Variants in PHLDB2 observed in about 807,000 individuals in gnomAD.
PHLDB2 encodes pleckstrin homology like domain family B member 2.
In PHLDB2, 71 loss-of-function variants were observed where a neutral mutation model predicts 123.6. The observed-to-expected ratio is 0.57, with a 90% CI of 0.47 to 0.70. The LOEUF (loss-of-function observed/expected upper bound fraction) is 0.70. PHLDB2 is among the 30% of genes least tolerant of loss of function. PHLDB2 has a pLI of 0.00. For synonymous variants in PHLDB2, 547 were observed against 541.6 expected (o/e 1.01, Z -0.14); for missense variants, 1,446 against 1,519.5 (o/e 0.95, Z 0.80).
chr3:111,774,834 T>G (rs574817929), intron 1 of PHLDB2, among the ~76,000 whole-genome samples: 1 of 152,262 alleles, frequency 6.6e-6, no homozygotes, highest in East Asian at 1.9e-4. Flanking sequence ...AGCTCGGGTG[T>G]GGTTTCATTC....
Position 111,780,405 on chromosome 3 carries a change from A to G in PHLDB2, c.-49+47702A>G, listed in dbSNP as rs931936626. ...AAGAAGAAGAAGAAGAAGAAGAAGA[A>G]GAAGAAAAAGATTAGTTCGGCCCAA... On this transcript the variant is annotated intron_variant, in intron 1 of 17. Transcript: ENST00000393923. 4.8e-5 allele frequency among the ~76,000 whole-genome samples: 7 copies of G among 146,348 alleles called. No individual in the cohort carries two copies. The South Asian group carries it at 6.5e-4, about 14-fold the overall frequency.
chr3:111,897,996 T>C (rs1368147483), intron 2 of PHLDB2, among the ~76,000 whole-genome samples: 1 of 152,244 alleles, frequency 6.6e-6, no homozygotes, highest in Admixed American at 6.5e-5. Flanking sequence ...AAAATGTACA[T>C]ACCTTAATTT....
chr3:111,868,651 A>C (rs1312229934), intron 1 of PHLDB2, among the ~76,000 whole-genome samples: 1 of 152,090 alleles, frequency 6.6e-6, no homozygotes, highest in Non-Finnish European at 1.5e-5. Flanking sequence ...GTGTATATAT[A>C]TTTCAATACT....
At chr3:111,849,855 T>C (rs1002779526) in intron 2 of PHLDB2, among the ~76,000 whole-genome samples, 1 of 152,028 alleles carries the variant, frequency 6.6e-6, no homozygotes, top group African/African-American at 2.4e-5. Flanking sequence ...TATATGGAGC[T>C]GGAGGCCATT....
chr3:111,871,760 G>A (rs920404045), intron 1 of PHLDB2, among the ~76,000 whole-genome samples: 6 of 152,162 alleles, frequency 3.9e-5, no homozygotes, highest in African/African-American at 1.4e-4. Context: ...CACTGTTGTC[G>A]ATTTATAGTT....
At chr3:111,828,598 C>T (rs78796955) in intron 1 of PHLDB2, among the ~76,000 whole-genome samples, 68 of 152,190 alleles carry the variant, frequency 4.5e-4, no homozygotes, top group African/African-American at 1.6e-3. Flanking sequence ...CGAGACCAGA[C>T]TGACAACACA....
intron 1 of PHLDB2, among the ~76,000 whole-genome samples, chr3:111,788,646 CT>C (rs1318360185): frequency 6.6e-6 from 1 of 152,208 alleles, no homozygotes; most frequent in African/African-American, 2.4e-5. Context: ...TTAAAGCAAG[CT>C]TGTCCAACCT....
chr3:111,923,953 C>T (rs1301930722), intron 5 of PHLDB2, among the ~76,000 whole-genome samples: 1 of 152,214 alleles, frequency 6.6e-6, no homozygotes, highest in Non-Finnish European at 1.5e-5. Flanking sequence ...TCACACTGTA[C>T]TTGACTATGC....
chr3:111,841,518 G>T (rs2108553586), intron 1 of PHLDB2, among the ~76,000 whole-genome samples: 1 of 152,296 alleles, frequency 6.6e-6, no homozygotes, highest in East Asian at 1.9e-4. Context: ...TATGGGCATT[G>T]TCTCTCTATC....
At chr3:111,949,167 G>T (rs2070529618) in intron 10 of PHLDB2, 92 bp downstream of exon 10, 4 of 1,433,762 alleles carry the variant, frequency 2.8e-6, no homozygotes, top group Non-Finnish European at 3.8e-6. Flanking sequence ...ACGAGAACGT[G>T]CATGACAAAT....
intron 2 of PHLDB2, among the ~76,000 whole-genome samples, chr3:111,900,022 A>T (rs1460786682): frequency 1.3e-5 from 2 of 152,186 alleles, no homozygotes; most frequent in African/African-American, 4.8e-5. Context: ...TGTTATGGAG[A>T]CAATGTCTTT....
rs1553747095 is a variant in PHLDB2, at chr3:111,898,182, T to TGTGTGTGTG, written c.1335+12770_1335+12771insGTGTGTGTG. 1.9e-3 allele frequency among the ~76,000 whole-genome samples: 265 copies of TGTGTGTGTG among 142,646 alleles called. 3 individuals are homozygous for TGTGTGTGTG. Among genetic ancestry groups the TGTGTGTGTG allele is most frequent in the East Asian group, 4.7e-3 (23 of 4,868 alleles). The allele number at this position is 142,646 out of a possible 152,430, so 93.6% of individuals were successfully genotyped here. A position where few individuals can be genotyped will look rare whatever the true frequency, so the allele number is the denominator to read the frequency against. On this transcript the variant is annotated intron_variant, in intron 2 of 17. Coordinates refer to ENST00000431670, the MANE Select transcript of PHLDB2 (RefSeq NM_001134438.2). Reference sequence around the variant, plus strand: ...TTTCTTTGTGTGTGTGTGTGTGTGTTTGTGTGTGTGTGTGTGTGTGTGTGT... The same window carrying TGTGTGTGTG: ...TTTCTTTGTGTGTGTGTGTGTGTGTTGTGTGTGTGTGTGTGTGTGTGTGTGTGTGTGTGT...
intron 3 of PHLDB2, chr3:111,914,860 T>A (rs191013874): frequency 1.3e-3 from 203 of 152,236 alleles, no homozygotes; most frequent in African/African-American, 4.4e-3. Context: ...AAAAATCTTT[T>A]AAATTTTTTT....
At chr3:111,845,808 T>C in intron 1 of PHLDB2, 1 of 1,612,874 alleles carries the variant, frequency 6.2e-7, no homozygotes, top group East Asian at 2.2e-5. Flanking sequence ...CTCTCTTTTC[T>C]TGCTGTGTGC....
chr3:111,757,658 AG>A (rs1413754213), intron 1 of PHLDB2, among the ~76,000 whole-genome samples: 10 of 152,162 alleles, frequency 6.6e-5, no homozygotes, highest in African/African-American at 2.4e-4. Context: ...TCTGCTTTTT[AG>A]AGTTTCCAGT....
chr3:111,974,507 A>G lies in PHLDB2; in HGVS notation c.3706A>G (p.Ile1236Val), dbSNP rs2072439318. 6.2e-7 allele frequency: 1 copy of G among 1,613,650 alleles called. No homozygotes were observed. The highest frequency in any genetic ancestry group is 8.5e-7 in the Non-Finnish European group (1 of 1,179,798). ...MVAPSPEAMR[I>V]WMDVIVTGAE... ...AGCCCCATCGCCAGAAGCCATGCGG[A>G]TCTGGATGGATGTTATAGTTACGGG... Residue 1236 changes from isoleucine to valine, a missense_variant, in exon 18 of 18, where the codon ATC (isoleucine) becomes GTC (valine). Around this residue, in one of 3 missense-constraint regions of PHLDB2, gnomAD observed 594 missense variants for 646.0 expected, o/e 0.92. Transcript: ENST00000431670.
intron 1 of PHLDB2, among the ~76,000 whole-genome samples, chr3:111,867,885 A>G (rs986132228): frequency 2.6e-5 from 4 of 151,820 alleles, no homozygotes; most frequent in African/African-American, 9.7e-5. Context: ...TATATTTTGT[A>G]GAGATGGGGT....
intron 1 of PHLDB2, among the ~76,000 whole-genome samples, chr3:111,881,253 C>G (rs1208179913): frequency 2.0e-5 from 3 of 152,196 alleles, no homozygotes; most frequent in African/African-American, 7.2e-5. Flanking sequence ...GCCTCAATCT[C>G]TGGTACATAT....
intron 4 of PHLDB2, among the ~76,000 whole-genome samples, chr3:111,919,974 T>G (rs1202959420): frequency 3.3e-5 from 5 of 152,182 alleles, no homozygotes; most frequent in Non-Finnish European, 5.9e-5. Flanking sequence ...CATGGTGGTT[T>G]GTGCTTGATC....
Sources: allele counts gnomAD v4.1 joint callset (sites outside exome capture counted in the v4.1 genomes callset), GRCh38; gene constraint gnomAD v4.1.1; regional missense constraint gnomAD v4.1.1; transcripts MANE v1.5; gene names NCBI Gene and HGNC (gene_info 2026-07-23, HGNC 2026-07-21).